LRRN2: variants seen among roughly 807,000 people sequenced by gnomAD.
LRRN2 encodes leucine-rich repeat neuronal protein 2.
Under a neutral mutation model 35.7 loss-of-function variants are expected in LRRN2, and 10 were observed. The ratio of observed to expected loss-of-function variants is 0.28; its 90% CI spans 0.17 to 0.47. LRRN2 has a LOEUF of 0.47. Among genes scored for constraint, LRRN2 ranks in the 20% least tolerant of loss-of-function variants. The probability of loss-of-function intolerance (pLI) is 0.99; values close to 1 mark genes in which losing one functional copy is unlikely to be tolerated. For missense variants in LRRN2, 731 were observed against 940.3 expected, an observed-to-expected ratio of 0.78 and a Z score of 2.91; for synonymous variants, 391 against 409.6, an observed-to-expected ratio of 0.95 and a Z score of 0.55.
chr1:204,639,041 C>T (rs962470730), intron 1 of LRRN2, among the ~76,000 whole-genome samples: 6 of 152,194 alleles, frequency 3.9e-5, no homozygotes, highest in Admixed American at 6.5e-5. Flanking sequence ...GGTGGCACGG[C>T]CCCCTGGGTA....
At chr1:204,649,066 G>C (rs574503232) in intron 1 of LRRN2, among the ~76,000 whole-genome samples, 36 of 152,338 alleles carry the variant, frequency 2.4e-4, no homozygotes, top group Non-Finnish European at 5.1e-4. Context: ...ATTTGTGGAA[G>C]GCCACAGAGC....
intron 1 of LRRN2, among the ~76,000 whole-genome samples, chr1:204,633,700 C>T (rs1054243640): frequency 3.3e-5 from 5 of 152,222 alleles, no homozygotes; most frequent in African/African-American, 1.2e-4. Context: ...TTCTGGCTGG[C>T]CCTAACACCT....
chr1:204,678,625 C>CA (rs1668874858), intron 1 of LRRN2, among the ~76,000 whole-genome samples: 1 of 152,054 alleles, frequency 6.6e-6, no homozygotes, highest in South Asian at 2.1e-4. Context: ...CCAGCCACGC[C>CA]AGCCTCCACG....
At position 204,619,178 on chromosome 1, in the gene LRRN2, G is replaced by A. The variant is rs774495531; in HGVS notation, c.815C>T (p.Pro272Leu). ...GLKFLDLNKNPLQRVGPGDFA... is the reference protein window; with the variant it reads ...GLKFLDLNKNLLQRVGPGDFA... ...GTCCCCCGGCCCTACCCGCTGGAGC[G>A]GGTTCTTGTTGAGGTCTAGGAACTT... The change falls in exon 2 of 2, where the codon CCG (proline) becomes CTG (leucine). Residue 272 changes from proline to leucine, a missense_variant. Physicochemically the swap from Pro to Leu is moderately conservative, Grantham distance 98. This residue lies in a region of LRRN2 where 256 missense variants were observed against 392.4 expected (regional missense o/e 0.65). Transcript: ENST00000367177. 30 of 1,613,918 alleles carry A rather than the reference G, an allele frequency of 1.9e-5. No homozygotes were observed. The East Asian group carries it at 2.9e-4, about 16-fold the overall frequency.
intron 1 of LRRN2, among the ~76,000 whole-genome samples, chr1:204,624,756 C>A (rs1224089350): frequency 0.1 from 895 of 8,662 alleles, 11 homozygotes; most frequent in African/African-American, 0.13. Context: ...TCCCCCCCCA[C>A]CCCCCCCCCC....
Position 204,619,209 on chromosome 1 carries a change from C to T in LRRN2, c.784G>A (p.Gly262Arg), listed in dbSNP as rs868643108. The change falls in exon 2 of 2, where the codon GGG becomes AGG. Residue 262 changes from glycine to arginine, a missense_variant. Gly to Arg is a moderately radical substitution (Grantham distance 125, BLOSUM62 -2). Coordinates refer to ENST00000367177, the MANE Select transcript of LRRN2 (RefSeq NM_201630.2). Reference protein sequence around the residue: ...VPRRALEQVPGLKFLDLNKNP... With the variant: ...VPRRALEQVPRLKFLDLNKNP... Reference sequence around the variant, plus strand: ...TTGTTGAGGTCTAGGAACTTGAGCCCGGGCACCTGTTCCAGTGCCCGCCTG... The same window carrying T: ...TTGTTGAGGTCTAGGAACTTGAGCCTGGGCACCTGTTCCAGTGCCCGCCTG... The T allele has an allele frequency of 2.0e-5, 32 of 1,613,918 alleles. 1 individual carries two copies. Among genetic ancestry groups the T allele is most frequent in the South Asian group, 5.5e-5 (5 of 91,082 alleles).
intron 1 of LRRN2, among the ~76,000 whole-genome samples, chr1:204,655,637 C>A (rs976603425): frequency 1.3e-5 from 2 of 150,898 alleles, no homozygotes; most frequent in African/African-American, 4.9e-5. Context: ...TCCTTCCTTT[C>A]TCTTCCTCTC....
intron 1 of LRRN2, among the ~76,000 whole-genome samples, chr1:204,631,371 G>A: frequency 7.1e-6 from 1 of 139,946 alleles, no homozygotes; most frequent in African/African-American, 2.7e-5. Context: ...CTCTGTCCTG[G>A]CCACAAGGGA....
At chr1:204,642,413 TC>T (rs1432955210) in intron 1 of LRRN2, among the ~76,000 whole-genome samples, 16 of 152,290 alleles carry the variant, frequency 1.1e-4, no homozygotes, top group South Asian at 6.2e-4. Flanking sequence ...CAGGAGCTAC[TC>T]TTTGAATGCC....
At chr1:204,651,180 A>T (rs1571662323) in intron 1 of LRRN2, among the ~76,000 whole-genome samples, 1 of 152,096 alleles carries the variant, frequency 6.6e-6, no homozygotes, top group South Asian at 2.1e-4. Flanking sequence ...GGAGCCGAGG[A>T]CCACCCTCAG....
Position 204,667,548 on chromosome 1 carries a change from T to C in LRRN2, c.-227+17772A>G, listed in dbSNP as rs563838728. On this transcript the variant is annotated intron_variant, in intron 1 of 1. Coordinates refer to ENST00000367177, the MANE Select transcript of LRRN2 (RefSeq NM_201630.2). ...ACATGCGGGACACTGGGAGTGCCCATATAAATAGCTCACAGTCTCTGTTTT... is the reference window on the plus strand; with the variant it reads ...ACATGCGGGACACTGGGAGTGCCCACATAAATAGCTCACAGTCTCTGTTTT... 1.2e-4 allele frequency among the ~76,000 whole-genome samples: 18 copies of C among 152,278 alleles called. No homozygotes were observed. The East Asian group carries it at 3.5e-3, about 29-fold the overall frequency.
intron 1 of LRRN2, 62 bp from the exon 2 acceptor site, chr1:204,620,280 G>C (rs140123961): frequency 8.4e-7 from 1 of 1,193,858 alleles, no homozygotes; most frequent in African/African-American, 1.6e-5. Flanking sequence ...CCCTCCTCCC[G>C]TGTTTGTTTG....
chr1:204,670,894 C>T (rs1260564096), intron 1 of LRRN2, among the ~76,000 whole-genome samples: 1 of 152,080 alleles, frequency 6.6e-6, no homozygotes, highest in Non-Finnish European at 1.5e-5. Flanking sequence ...TGCAGCCAAC[C>T]CTTTCAGACA....
intron 1 of LRRN2, among the ~76,000 whole-genome samples, chr1:204,643,439 G>A (rs1481186643): frequency 6.6e-6 from 1 of 152,162 alleles, no homozygotes; most frequent in Non-Finnish European, 1.5e-5. Flanking sequence ...TGCTGTTCTA[G>A]TCCTTGCTTG....
chr1:204,685,180 G>T (rs994972966), intron 1 of LRRN2, 140 bp downstream of exon 1: 1 of 152,270 alleles, frequency 6.6e-6, no homozygotes, highest in African/African-American at 2.4e-5. Flanking sequence ...CTGCGGTGCC[G>T]GGGCAGGAGC....
rs1291516715 is a variant in LRRN2, at chr1:204,678,515, G to GA, written c.-227+6804dup. 9.9e-5 allele frequency among the ~76,000 whole-genome samples: 15 copies of GA among 152,190 alleles called. No homozygotes were observed. The East Asian group carries it at 2.5e-3, about 25-fold the overall frequency. On this transcript the variant is annotated intron_variant, in intron 1 of 1. Coordinates refer to ENST00000367177, the MANE Select transcript of LRRN2 (RefSeq NM_201630.2). ...CTGCAAGAGCCCATCTTACTCTGAG[G>GA]AAAAAATCCCCCTCCTCACCAGCTC...
intron 1 of LRRN2, among the ~76,000 whole-genome samples, chr1:204,632,503 C>T (rs747989226): frequency 2.0e-5 from 3 of 151,790 alleles, no homozygotes; most frequent in African/African-American, 4.8e-5. Context: ...GTGGCATGCA[C>T]CTGTAATCCC....
chr1:204,681,913 T>C (rs1668964729), intron 1 of LRRN2, among the ~76,000 whole-genome samples: 1 of 152,228 alleles, frequency 6.6e-6, no homozygotes, highest in South Asian at 2.1e-4. Flanking sequence ...AAGTGTTTTT[T>C]GTTTCTCAGT....
In LRRN2 at chr1:204,618,276, C is replaced by A; in HGVS notation, c.1717G>T (p.Ala573Ser). 6.2e-7 allele frequency: 1 copy of A among 1,606,624 alleles called. No homozygotes were observed. Among genetic ancestry groups the A allele is most frequent in the Non-Finnish European group, 8.5e-7 (1 of 1,175,932 alleles). ...CTGTGGGTTCCCCGAGGCAGGCGGGCCAGAGCTGTGGCCCCCTGGCCCCGG... is the reference window on the plus strand; with the variant it reads ...CTGTGGGTTCCCCGAGGCAGGCGGGACAGAGCTGTGGCCCCCTGGCCCCGG... Reference protein sequence around the residue: ...SLRGQGATALARLPRGTHSYN... With the variant: ...SLRGQGATALSRLPRGTHSYN... Residue 573 changes from alanine to serine, a missense_variant, in exon 2 of 2, where the codon GCC (alanine) becomes TCC (serine). Ala to Ser is a moderately conservative substitution (Grantham distance 99, BLOSUM62 1). Transcript: ENST00000367177.
Sources: allele counts gnomAD v4.1 joint callset (sites outside exome capture counted in the v4.1 genomes callset), GRCh38; gene constraint gnomAD v4.1.1; regional missense constraint gnomAD v4.1.1; transcripts MANE v1.5; gene names NCBI Gene and HGNC (gene_info 2026-07-23, HGNC 2026-07-21).